The following XPO6 variants were observed in gnomAD, a reference collection of about 807,000 sequenced individuals.
XPO6 encodes exportin 6.
XPO6 carries 3 observed loss-of-function variants against 130.0 expected under a neutral mutation model. The ratio of observed to expected loss-of-function variants is 0.02; its 90% CI spans 0.01 to 0.06. The LOEUF is 0.06. XPO6 is among the 10% of genes least tolerant of loss of function. The pLI, the probability that XPO6 is intolerant of heterozygous loss-of-function variation, is 1.00. For missense variants in XPO6, 970 were observed against 1,393.0 expected, an observed-to-expected ratio of 0.70 and a Z score of 4.83; for synonymous variants, 524 against 548.9, an observed-to-expected ratio of 0.95 and a Z score of 0.63.
chr16:28,188,842 G>C (rs2043738680), intron 1 of XPO6, among the ~76,000 whole-genome samples: 1 of 152,084 alleles, frequency 6.6e-6, no homozygotes, highest in South Asian at 2.1e-4. Flanking sequence ...AAGCCAGAAA[G>C]CTAGAAAAGT....
rs2086647309 is a variant in XPO6 at position 28,101,142 on chromosome 16, G to A, written c.3276+316C>T. On this transcript the variant is annotated intron_variant, in intron 23 of 23. Transcript: ENST00000304658. The surrounding 1 kb of genome is among the most constrained non-coding windows in gnomAD (Gnocchi z 5.4). ...TGGCCCCACCGGGGCTCATCACCCA[G>A]GAGGGAGAACGGCAGGGTCCTGGGT... The A allele has an allele frequency of 2.3e-6, 1 of 432,242 alleles. No homozygotes were observed. The allele number at this position is 432,242 out of a possible 1,614,324, so 26.8% of individuals were successfully genotyped here. A position where few individuals can be genotyped will look rare whatever the true frequency, so the allele number is the denominator to read the frequency against.
intron 9 of XPO6, among the ~76,000 whole-genome samples, chr16:28,145,863 C>A (rs1414848771): frequency 6.6e-6 from 1 of 152,082 alleles, no homozygotes; most frequent in Non-Finnish European, 1.5e-5. Flanking sequence ...AACATTAACA[C>A]AAATGCACTA....
intron 15 of XPO6, among the ~76,000 whole-genome samples, chr16:28,114,330 T>G (rs2087002512): frequency 6.6e-6 from 1 of 152,152 alleles, no homozygotes; most frequent in African/African-American, 2.4e-5. Flanking sequence ...TAGTTATTAC[T>G]TATTACATAA....
In XPO6 at chr16:28,098,609, T is replaced by G. The variant is rs1177586794; in HGVS notation, c.3307A>C (p.Arg1103=). 1 of 1,612,516 alleles carries G rather than the reference T, an allele frequency of 6.2e-7. No individual in the cohort carries two copies. Among genetic ancestry groups the G allele is most frequent in the Non-Finnish European group, 8.5e-7 (1 of 1,179,010 alleles). ...DLPSFTQNVH[R]LVNDLRYYRL... ...TAGTAGCGCAGGTCGTTGACCAGCC[T>G]GTGCACATTCTGGGTGAATGAGGGC... The change falls in exon 24 of 24, where the codon AGG becomes CGG. Residue 1103 remains arginine, a synonymous_variant. Coordinates refer to ENST00000304658, the MANE Select transcript of XPO6 (RefSeq NM_015171.4).
chr16:28,131,690 T>C (rs907190934), intron 12 of XPO6, among the ~76,000 whole-genome samples: 3 of 152,228 alleles, frequency 2.0e-5, no homozygotes, highest in African/African-American at 2.4e-5. Context: ...CAGGGGTAAC[T>C]AGTAATAGCA....
chr16:28,205,172 G>C (rs866192841), intron 1 of XPO6, among the ~76,000 whole-genome samples: 1 of 152,136 alleles, frequency 6.6e-6, no homozygotes, highest in African/African-American at 2.4e-5. Flanking sequence ...AACTGGCCAG[G>C]AAAGTAGGAG....
intron 1 of XPO6, among the ~76,000 whole-genome samples, chr16:28,197,536 A>T (rs551128413): frequency 6.6e-6 from 1 of 152,172 alleles, no homozygotes; most frequent in African/African-American, 2.4e-5. Flanking sequence ...AGATTACCCA[A>T]CGCTGATGAG....
intron 9 of XPO6, among the ~76,000 whole-genome samples, chr16:28,136,943 GTC>G (rs2042791240): frequency 6.6e-6 from 1 of 152,260 alleles, no homozygotes; most frequent in Non-Finnish European, 1.5e-5. Context: ...CTTTGTTTCG[GTC>G]TGTTAGGTTC....
chr16:28,120,228 C>A (rs984685749), intron 14 of XPO6, among the ~76,000 whole-genome samples: 3 of 152,038 alleles, frequency 2.0e-5, no homozygotes, highest in Admixed American at 2.0e-4. Context: ...AGAGAGGGCA[C>A]AAGAAACAAA....
At chr16:28,197,964 TAAAAAAAA>T (rs370727941) in intron 1 of XPO6, among the ~76,000 whole-genome samples, 1 of 27,622 alleles carries the variant, frequency 3.6e-5, no homozygotes, top group Non-Finnish European at 1.1e-4. Flanking sequence ...CTAAGTTTAT[TAAAAAAAA>T]AAAAAAAAAA....
In XPO6 at chr16:28,098,415, G is replaced by A. The variant is rs1017345234; in HGVS notation, c.*123C>T. ...TGGAGGAGCGGCAGAGGCAGGCAGC[G>A]TTGCTTGCGGTGGGAGAAGCCAAGG... On this transcript the variant is annotated 3_prime_UTR_variant, in exon 24 of 24. Transcript: ENST00000304658. 16 of 803,684 alleles carry A rather than the reference G, an allele frequency of 2.0e-5. No individual in the cohort carries two copies. Among genetic ancestry groups the A allele is most frequent in the Non-Finnish European group, 2.0e-5 (10 of 503,260 alleles). The allele number at this position is 803,684 out of a possible 1,614,324, so 49.8% of individuals were successfully genotyped here. A position where few individuals can be genotyped will look rare whatever the true frequency, so the allele number is the denominator to read the frequency against.
Position 28,133,832 on chromosome 16 carries a change from GC to G in XPO6, c.1536+8del, listed in dbSNP as rs1287451455. 8 of 1,613,766 alleles carry G rather than the reference GC, an allele frequency of 5.0e-6. No individual in the cohort carries two copies. Among genetic ancestry groups the G allele is most frequent in the Non-Finnish European group, 5.9e-6 (7 of 1,179,840 alleles). On this transcript the variant is annotated splice_region_variant and intron_variant, in intron 11 of 23. Transcript: ENST00000304658. ...GCTACACTCTCCACTCCCCCGGACA[GC>G]ACATTACCAGTGTGGAGAAGGCGTG...
In XPO6 at chr16:28,150,944, C is replaced by A. The variant is rs568535284; in HGVS notation, c.1224+1715G>T. 3.3e-5 allele frequency among the ~76,000 whole-genome samples: 5 copies of A among 152,180 alleles called. No homozygotes were observed. In the East Asian group the frequency reaches 7.7e-4, roughly 24 times the overall value. On this transcript the variant is annotated intron_variant, in intron 8 of 23. Transcript: ENST00000304658. ...GGCACGGCTCTCCTCATGCTCTGCA[C>A]GCACTTGCCCCTCTACCTGACACCT... is the stretch of plus-strand genomic sequence containing the variant.
At chr16:28,100,322 CAA>C (rs1454299802) in intron 23 of XPO6, among the ~76,000 whole-genome samples, 3 of 152,148 alleles carry the variant, frequency 2.0e-5, no homozygotes, top group Non-Finnish European at 4.4e-5. Flanking sequence ...AGCTTTAAAT[CAA>C]AAAGTTGACT....
Position 28,186,374 on chromosome 16 carries a change from CT to C in XPO6, c.4-5344del, listed in dbSNP as rs60754642. ...TATAGATTTTTCTGCCCCAGTTATT[CT>C]TTTTTTTTTTTTTTTTGCTAAAGAC... On this transcript the variant is annotated intron_variant, in intron 1 of 23. Coordinates refer to ENST00000304658, the MANE Select transcript of XPO6 (RefSeq NM_015171.4). Among the ~76,000 whole-genome samples, 10 of 81,442 alleles carry C rather than the reference CT, an allele frequency of 1.2e-4. 1 individual carries two copies. The highest frequency in any genetic ancestry group is 3.1e-4 in the East Asian group (1 of 3,182). 53.4% of individuals were successfully genotyped at this position (81,442 alleles called of 152,430 possible).
In XPO6 at chr16:28,180,722, CA is replaced by C. The variant is rs575595656; in HGVS notation, c.94+218del. Among the ~76,000 whole-genome samples the C allele has an allele frequency of 6.9e-4, 104 of 151,812 alleles. 1 individual carries two copies. The highest frequency in any genetic ancestry group is 3.4e-3 in the Middle Eastern group (1 of 294). On this transcript the variant is annotated intron_variant, in intron 2 of 23. Coordinates refer to ENST00000304658, the MANE Select transcript of XPO6 (RefSeq NM_015171.4). ...GCAGGCTTCTTATATGAAAGTTCAA[CA>C]ACATTGCTGAAATTAAGATCCACAG...
chr16:28,196,316 G>C (rs530892268), intron 1 of XPO6, among the ~76,000 whole-genome samples: 1 of 152,094 alleles, frequency 6.6e-6, no homozygotes, highest in Non-Finnish European at 1.5e-5. Flanking sequence ...CGGAGATAAG[G>C]AAGGACCATA....
intron 6 of XPO6, among the ~76,000 whole-genome samples, chr16:28,161,394 A>C (rs1047573389): frequency 6.6e-6 from 1 of 151,204 alleles, no homozygotes; most frequent in Non-Finnish European, 1.5e-5. Context: ...CTCAGCCTCA[A>C]CCTCCTCCGC....
chr16:28,207,634 AAAC>A (rs2044054833), intron 1 of XPO6, among the ~76,000 whole-genome samples: 1 of 152,230 alleles, frequency 6.6e-6, no homozygotes, highest in Admixed American at 6.5e-5. Context: ...TCTCTAAGCC[AAAC>A]AACATACAGG....
Sources: gnomAD v4.1 joint callset for allele counts (sites outside exome capture counted in the v4.1 genomes callset) on GRCh38, gnomAD v4.1.1 for gene constraint, Gnocchi (gnomAD v3.1) non-coding constraint, MANE v1.5 for transcripts, NCBI Gene and HGNC (gene_info 2026-07-23, HGNC 2026-07-21) for gene names.